KLHL2: variants seen among roughly 807,000 people sequenced by gnomAD.
KLHL2 encodes kelch-like protein 2.
In KLHL2, 15 loss-of-function variants were observed where a neutral mutation model predicts 75.8. That is an observed-to-expected ratio of 0.20 (90% CI 0.13 to 0.30). The LOEUF (loss-of-function observed/expected upper bound fraction) is 0.30. KLHL2 is among the 10% of genes least tolerant of loss of function. The pLI, the probability that KLHL2 is intolerant of heterozygous loss-of-function variation, is 1.00. For synonymous variants in KLHL2, 214 were observed against 251.9 expected, an observed-to-expected ratio of 0.85 and a Z score of 1.42; for missense variants, 381 against 741.0, an observed-to-expected ratio of 0.51 and a Z score of 5.64.
chr4:165,234,239 T>C (rs535166908), intron 3 of KLHL2, among the ~76,000 whole-genome samples: 1 of 152,236 alleles, frequency 6.6e-6, no homozygotes, highest in Non-Finnish European at 1.5e-5. Flanking sequence ...AAAATGCCTG[T>C]GTGTCAGTAA....
rs971258842 is a variant in KLHL2 at position 165,322,115 on chromosome 4, T to C, written c.*55T>C. 1 of 1,490,276 alleles carries C rather than the reference T, an allele frequency of 6.7e-7. No individual in the cohort carries two copies. The highest frequency in any genetic ancestry group is 1.4e-5 in the African/African-American group (1 of 72,380). 92.3% of individuals were successfully genotyped at this position (1,490,276 alleles called of 1,614,324 possible). On this transcript the variant is annotated 3_prime_UTR_variant, in exon 15 of 15. Coordinates refer to ENST00000226725, the MANE Select transcript of KLHL2 (RefSeq NM_007246.4). ...CATGAGAAACAGCCTTCAACAAGTA[T>C]TTGTGAAGTGACTGAGAATCTAGCA...
chr4:165,277,678 C>G, intron 5 of KLHL2: 1 of 504,788 alleles, frequency 2.0e-6, no homozygotes, highest in Admixed American at 3.2e-5. Flanking sequence ...GGGAATGGAG[C>G]AGGATGTTAT....
intron 8 of KLHL2, among the ~76,000 whole-genome samples, chr4:165,301,926 G>A (rs1745380880): frequency 6.6e-6 from 1 of 151,868 alleles, no homozygotes; most frequent in African/African-American, 2.4e-5. Flanking sequence ...TAGAGTTCTC[G>A]GTAAAAGCCT....
chr4:165,209,190 T>C (rs556735957), intron 1 of KLHL2, among the ~76,000 whole-genome samples: 1 of 152,282 alleles, frequency 6.6e-6, no homozygotes, highest in East Asian at 1.9e-4. Context: ...GGTCATGTTC[T>C]TCAGCAGGCT....
intron 2 of KLHL2, among the ~76,000 whole-genome samples, chr4:165,226,561 G>A (rs936168876): frequency 1.3e-5 from 2 of 151,598 alleles, no homozygotes; most frequent in South Asian, 2.1e-4. Flanking sequence ...TTTTCTGCTC[G>A]TCTTCTTAAG....
intron 5 of KLHL2, among the ~76,000 whole-genome samples, chr4:165,288,852 T>C (rs1345557175): frequency 2.6e-5 from 4 of 151,890 alleles, no homozygotes; most frequent in African/African-American, 7.3e-5. Flanking sequence ...TTTTTAACTT[T>C]GATCCTCATG....
intron 13 of KLHL2, among the ~76,000 whole-genome samples, chr4:165,317,365 CTTTT>C (rs34078288): frequency 6.9e-6 from 1 of 144,460 alleles, no homozygotes; most frequent in Non-Finnish European, 1.5e-5. Context: ...AGAAAGAATT[CTTTT>C]TTTTTTTTTT....
chr4:165,277,865 G>T (rs1743265566), intron 5 of KLHL2: 1 of 793,398 alleles, frequency 1.3e-6, no homozygotes, highest in African/African-American at 1.7e-5. Context: ...CACGCAGCAA[G>T]TGGCTTATAA....
At chr4:165,248,751 T>G (rs1407876041) in intron 4 of KLHL2, among the ~76,000 whole-genome samples, 1 of 152,194 alleles carries the variant, frequency 6.6e-6, no homozygotes, top group Non-Finnish European at 1.5e-5. Flanking sequence ...TCTGCAGGTT[T>G]TGTGAAACTT....
At chr4:165,255,812 C>T (rs1410347279) in intron 4 of KLHL2, among the ~76,000 whole-genome samples, 1 of 152,100 alleles carries the variant, frequency 6.6e-6, no homozygotes, top group Non-Finnish European at 1.5e-5. Flanking sequence ...TCAAAAACAA[C>T]AGCAACAACA....
chr4:165,277,740 A>T (rs1743238082), intron 5 of KLHL2: 2 of 560,862 alleles, frequency 3.6e-6, no homozygotes, highest in Admixed American at 3.1e-5. Context: ...TTAACTGTGG[A>T]TGTTAAAAAC....
chr4:165,212,373 A>G (rs1383705882), intron 1 of KLHL2, among the ~76,000 whole-genome samples: 4 of 152,166 alleles, frequency 2.6e-5, no homozygotes, highest in African/African-American at 9.7e-5. Context: ...CATTCCAGGG[A>G]GAGAGAATAG....
At chr4:165,254,815 T>C (rs1018802637) in intron 4 of KLHL2, among the ~76,000 whole-genome samples, 6 of 152,380 alleles carry the variant, frequency 3.9e-5, no homozygotes, top group East Asian at 3.9e-4. Context: ...ATTACATCTT[T>C]TATGTTGAGA....
intron 8 of KLHL2, among the ~76,000 whole-genome samples, chr4:165,303,506 G>A (rs182700862): frequency 2.0e-4 from 20 of 97,576 alleles, no homozygotes; most frequent in African/African-American, 5.3e-4. Context: ...CCCCCCCGCC[G>A]TTTTTGGGTG....
At chr4:165,271,276 C>T (rs1742672996) in intron 5 of KLHL2, among the ~76,000 whole-genome samples, 1 of 152,102 alleles carries the variant, frequency 6.6e-6, no homozygotes, top group African/African-American at 2.4e-5. Context: ...TTCTTCTAGT[C>T]TGTGAACATG....
At chr4:165,209,811 T>C (rs573709943) in intron 1 of KLHL2, 25 of 252,018 alleles carry the variant, frequency 9.9e-5, no homozygotes, top group Non-Finnish European at 1.6e-4. Flanking sequence ...TAGGTTTTTA[T>C]TTTCATTTGG....
chr4:165,277,489 A>G (rs1743218191), intron 5 of KLHL2, among the ~76,000 whole-genome samples: 1 of 152,244 alleles, frequency 6.6e-6, no homozygotes, highest in African/African-American at 2.4e-5. Context: ...TACTATGTAG[A>G]AAAGAAGACT....
Position 165,263,501 on chromosome 4 carries a change from C to T in KLHL2, c.544+142C>T, listed in dbSNP as rs138015347. On this transcript the variant is annotated intron_variant, in intron 5 of 14. Coordinates refer to ENST00000226725, the MANE Select transcript of KLHL2 (RefSeq NM_007246.4). ...CATTTAAAATCTTATAATGGTCACACTGCATAACTGAAGCATACTCATAAA... is the reference window on the plus strand; with the variant it reads ...CATTTAAAATCTTATAATGGTCACATTGCATAACTGAAGCATACTCATAAA... The T allele has an allele frequency of 1.5e-3, 1,666 of 1,123,050 alleles. 24 individuals are homozygous for T. The African/African-American group carries it at 0.022, about 15-fold the overall frequency. The allele number at this position is 1,123,050 out of a possible 1,614,324, so 69.6% of individuals were successfully genotyped here. A position where few individuals can be genotyped will look rare whatever the true frequency, so the allele number is the denominator to read the frequency against.
intron 3 of KLHL2, among the ~76,000 whole-genome samples, chr4:165,229,328 C>G (rs189136946): frequency 6.6e-6 from 1 of 152,074 alleles, no homozygotes; most frequent in Non-Finnish European, 1.5e-5. Flanking sequence ...GAAAATAAAG[C>G]GATTTATCTA....
Sources: gnomAD v4.1 joint callset for allele counts (sites outside exome capture counted in the v4.1 genomes callset) on GRCh38, gnomAD v4.1.1 for gene constraint, MANE v1.5 for transcripts, NCBI Gene and HGNC (gene_info 2026-07-23, HGNC 2026-07-21) for gene names.